The following PRRX1 variants were observed in gnomAD, a reference collection of about 807,000 sequenced individuals.
The protein encoded by PRRX1 is paired mesoderm homeobox protein 1.
In PRRX1, 8 loss-of-function variants were observed where a neutral mutation model predicts 24.0. The ratio of observed to expected loss-of-function variants is 0.33; its 90% CI spans 0.20 to 0.60. PRRX1 has a LOEUF of 0.60. Ranked by LOEUF, PRRX1 falls within the 20% of genes least tolerant of loss-of-function variation. PRRX1 has a pLI of 0.82. For missense variants in PRRX1, 281 were observed against 322.4 expected (o/e 0.87, Z 0.98); for synonymous variants, 160 against 131.7 (o/e 1.22, Z -1.47).
intron 1 of PRRX1, among the ~76,000 whole-genome samples, chr1:170,706,357 A>G (rs562593395): frequency 1.3e-5 from 2 of 152,348 alleles, no homozygotes; most frequent in South Asian, 2.1e-4. Context: ...GCACAGATGT[A>G]TCTATTGGTC....
rs778274576 is a variant in PRRX1, at chr1:170,664,249, C to G, written c.31C>G (p.Arg11Gly). MTSSYGHVLERQPALGGRLDS... is the reference protein window; with the variant it reads MTSSYGHVLEGQPALGGRLDS... ...CTCCAGCTACGGGCACGTTCTGGAG[C>G]GGCAACCGGCGCTGGGCGGCCGCTT... The change falls in exon 1 of 4, where the codon CGG becomes GGG. Residue 11 changes from arginine to glycine, a missense_variant. Physicochemically the swap from Arg to Gly is moderately radical, Grantham distance 125. Coordinates refer to ENST00000239461, the MANE Select transcript of PRRX1 (RefSeq NM_022716.4). 6.2e-7 allele frequency: 1 copy of G among 1,612,156 alleles called. No individual in the cohort carries two copies. The highest frequency in any genetic ancestry group is 8.5e-7 in the Non-Finnish European group (1 of 1,179,464).
intron 1 of PRRX1, among the ~76,000 whole-genome samples, chr1:170,705,755 T>A (rs1241589971): frequency 6.6e-6 from 1 of 152,138 alleles, no homozygotes; most frequent in Non-Finnish European, 1.5e-5. Flanking sequence ...GCAGTTTTAG[T>A]GGGCTACGTA....
chr1:170,689,839 C>CTCCCTCT, intron 1 of PRRX1, among the ~76,000 whole-genome samples: 1 of 91,644 alleles, frequency 1.1e-5, no homozygotes, highest in African/African-American at 4.0e-5. Context: ...TCTCTCTCTC[C>CTCCCTCT]CTCTCTCTCT....
At chr1:170,712,324 C>T (rs943199499) in intron 1 of PRRX1, among the ~76,000 whole-genome samples, 1 of 152,092 alleles carries the variant, frequency 6.6e-6, no homozygotes, top group African/African-American at 2.4e-5. Flanking sequence ...TATCCTTGTG[C>T]AATTTTGAGT....
chr1:170,716,600 A>C (rs1654916377), intron 1 of PRRX1, among the ~76,000 whole-genome samples: 1 of 151,652 alleles, frequency 6.6e-6, no homozygotes, highest in East Asian at 1.9e-4. Flanking sequence ...AAAAAAAAAA[A>C]TGTATTCATG....
At chr1:170,664,088 C>CCTCTATCTCTCTCTCTCTCTCTCT, upstream of PRRX1, 1 of 661,376 alleles carries the variant, frequency 1.5e-6, no homozygotes, top group Non-Finnish European at 2.2e-6. Context: ...CCTCTTCCTC[C>CCTCTATCTCTCTCTCTCTCTCTCT]CTCTCTCTCT....
At chr1:170,711,035 T>G (rs1330755663) in intron 1 of PRRX1, among the ~76,000 whole-genome samples, 1 of 152,242 alleles carries the variant, frequency 6.6e-6, no homozygotes, top group Non-Finnish European at 1.5e-5. Flanking sequence ...TTTAAGCCAC[T>G]ATTTACACTT....
intron 3 of PRRX1, chr1:170,730,238 C>A: frequency 1.3e-6 from 2 of 1,514,758 alleles, no homozygotes; most frequent in Non-Finnish European, 1.8e-6. Flanking sequence ...CTGCTGAACG[C>A]ATTTGGCTTA....
chr1:170,709,579 A>AT (rs1005039882), intron 1 of PRRX1, among the ~76,000 whole-genome samples: 67 of 150,032 alleles, frequency 4.5e-4, no homozygotes, highest in African/African-American at 1.2e-3. Flanking sequence ...GTACTGGAAT[A>AT]TTTTTTTTTT....
At chr1:170,695,844 TC>T (rs5778677) in intron 1 of PRRX1, among the ~76,000 whole-genome samples, 130,153 of 151,872 alleles carry the variant, frequency 0.86, 56,213 homozygotes, top group Middle Eastern at 1. Context: ...ATGCTTTTTT[TC>T]CCCCCCTCTC....
chr1:170,718,387 C>T (rs1654971913), intron 1 of PRRX1, among the ~76,000 whole-genome samples: 1 of 152,142 alleles, frequency 6.6e-6, no homozygotes, highest in South Asian at 2.1e-4. Context: ...CTAGATCATT[C>T]CCTCAATTTG....
chr1:170,715,960 G>C (rs997553546), intron 1 of PRRX1, among the ~76,000 whole-genome samples: 1 of 152,196 alleles, frequency 6.6e-6, no homozygotes, highest in Non-Finnish European at 1.5e-5. Context: ...CTGCACTTAA[G>C]AGTGGAATGG....
chr1:170,695,710 G>A (rs1352020254), intron 1 of PRRX1, among the ~76,000 whole-genome samples: 1 of 152,134 alleles, frequency 6.6e-6, no homozygotes, highest in Non-Finnish European at 1.5e-5. Context: ...TCTGTAAAGA[G>A]TCCCTGAGTG....
intron 1 of PRRX1, among the ~76,000 whole-genome samples, chr1:170,693,313 T>C (rs1017653152): frequency 1.3e-5 from 2 of 152,070 alleles, no homozygotes; most frequent in Non-Finnish European, 2.9e-5. Flanking sequence ...GGAGACAGCA[T>C]GCAAGTGTGA....
intron 1 of PRRX1, among the ~76,000 whole-genome samples, chr1:170,705,935 TACACACACACACACACAC>T (rs71125270): frequency 6.8e-6 from 1 of 146,426 alleles, no homozygotes; most frequent in Non-Finnish European, 1.5e-5. Context: ...CACACACACA[TACACACACACACACACAC>T]ACACACACAC....
chr1:170,666,040 G>T (rs372194466), intron 1 of PRRX1, among the ~76,000 whole-genome samples: 89 of 152,344 alleles, frequency 5.8e-4, no homozygotes, highest in African/African-American at 2.1e-3. Flanking sequence ...TTAAGTGTTT[G>T]CATAGGCACT....
chr1:170,666,591 G>T (rs1408156917), intron 1 of PRRX1, among the ~76,000 whole-genome samples: 1 of 152,114 alleles, frequency 6.6e-6, no homozygotes, highest in Non-Finnish European at 1.5e-5. Context: ...GGACCACGAA[G>T]AAACTTCTGC....
intron 3 of PRRX1, among the ~76,000 whole-genome samples, chr1:170,731,212 G>C (rs1315601677): frequency 6.6e-6 from 1 of 152,182 alleles, no homozygotes; most frequent in African/African-American, 2.4e-5. Context: ...GGTGAAGCAA[G>C]TATGCCTCCG....
chr1:170,699,268 A>C (rs1654273999), intron 1 of PRRX1, among the ~76,000 whole-genome samples: 2 of 152,174 alleles, frequency 1.3e-5, no homozygotes, highest in Non-Finnish European at 2.9e-5. Flanking sequence ...TCTGTGGAAA[A>C]GACTTTTCTG....
Sources: gnomAD v4.1 joint callset for allele counts (sites outside exome capture counted in the v4.1 genomes callset) on GRCh38, gnomAD v4.1.1 for gene constraint, MANE v1.5 for transcripts, NCBI Gene and HGNC (gene_info 2026-07-23, HGNC 2026-07-21) for gene names.